Variants in KCTD1 observed in about 807,000 individuals in gnomAD.
The protein encoded by KCTD1 is potassium channel tetramerization domain containing 1, also known as BTB/POZ domain-containing protein KCTD1.
KCTD1 carries 24 observed loss-of-function variants against 66.0 expected under a neutral mutation model. The ratio of observed to expected loss-of-function variants is 0.36; its 90% confidence interval spans 0.26 to 0.51. The LOEUF (loss-of-function observed/expected upper bound fraction) is 0.51, where lower values mean the gene tolerates loss of function less well. Among genes scored for constraint, KCTD1 ranks in the 20% least tolerant of loss-of-function variants. The pLI, the probability that KCTD1 is intolerant of heterozygous loss-of-function variation, is 0.95. For synonymous variants in KCTD1, 511 were observed against 517.2 expected (o/e 0.99, Z 0.16); for missense variants, 943 against 1,205.2 (o/e 0.78, Z 3.22).
intron 1 of KCTD1, among the ~76,000 whole-genome samples, chr18:26,556,267 A>G (rs1985704514): frequency 6.6e-6 from 1 of 152,152 alleles, no homozygotes; most frequent in South Asian, 2.1e-4. Flanking sequence ...AGCAGGAAAC[A>G]TTGTGACCTG....
intron 1 of KCTD1, among the ~76,000 whole-genome samples, chr18:26,585,389 T>C (rs1449550727): frequency 6.6e-6 from 1 of 152,258 alleles, no homozygotes; most frequent in Non-Finnish European, 1.5e-5. Context: ...AGCATTGCAA[T>C]ACATTCTAGA....
intron 1 of KCTD1, among the ~76,000 whole-genome samples, chr18:26,620,292 C>G (rs1427932811): frequency 7.4e-6 from 1 of 134,938 alleles, no homozygotes; most frequent in Non-Finnish European, 1.5e-5. Context: ...CTCCAGGGAG[C>G]TGTCCTTATG....
At chr18:26,615,514 G>T (rs1424306889) in intron 1 of KCTD1, among the ~76,000 whole-genome samples, 2 of 152,178 alleles carry the variant, frequency 1.3e-5, no homozygotes, top group African/African-American at 4.8e-5. Flanking sequence ...TGAGAAGAGT[G>T]CAAAATCAAC....
At chr18:26,569,394 G>T (rs888492883) in intron 1 of KCTD1, among the ~76,000 whole-genome samples, 2 of 152,144 alleles carry the variant, frequency 1.3e-5, no homozygotes, top group Non-Finnish European at 2.9e-5. Flanking sequence ...TTTGGGCAGA[G>T]CTTCTCTCAG....
At chr18:26,623,747 T>A (rs553136955) in intron 1 of KCTD1, among the ~76,000 whole-genome samples, 1 of 152,278 alleles carries the variant, frequency 6.6e-6, no homozygotes, top group Admixed American at 6.5e-5. Flanking sequence ...TAAGGATACC[T>A]GAAATATGAA....
rs185650369 is a variant in KCTD1 at position 26,648,048 on chromosome 18, G to A, written c.9+9312C>T. Reference sequence around the variant, plus strand: ...TTTAGTAGAGACGGGGTTTCACCATGTTGGCCAGGCTGGTCTCAAACTCCT... The same window carrying A: ...TTTAGTAGAGACGGGGTTTCACCATATTGGCCAGGCTGGTCTCAAACTCCT... On this transcript the variant is annotated intron_variant, in intron 1 of 4. Coordinates refer to the KCTD1 transcript ENST00000580191. 3.0e-3 allele frequency among the ~76,000 whole-genome samples: 456 copies of A among 152,122 alleles called. 1 individual carries two copies. Among genetic ancestry groups the A allele is most frequent in the African/African-American group, 0.01 (435 of 41,496 alleles).
At chr18:26,655,501 A>C (rs1237011917) in intron 1 of KCTD1, among the ~76,000 whole-genome samples, 1 of 152,174 alleles carries the variant, frequency 6.6e-6, no homozygotes, top group Non-Finnish European at 1.5e-5. Flanking sequence ...GCTTGAAAGC[A>C]GCCAGTTCTA....
At chr18:26,545,685 T>A in intron 1 of KCTD1, 1 of 152,064 alleles carries the variant, frequency 6.6e-6, no homozygotes, top group South Asian at 2.1e-4. Context: ...TAGAACACAG[T>A]GTCCAAAGAC....
chr18:26,563,000 T>C (rs1477612076), intron 1 of KCTD1, among the ~76,000 whole-genome samples: 1 of 152,166 alleles, frequency 6.6e-6, no homozygotes, highest in Non-Finnish European at 1.5e-5. Flanking sequence ...CGCAACACCA[T>C]CCAAATCTGC....
chr18:26,599,500 T>C, intron 1 of KCTD1: 1 of 1,601,868 alleles, frequency 6.2e-7, no homozygotes, highest in Non-Finnish European at 8.6e-7. Context: ...GTGGATGAGC[T>C]TCAAGGTTAA....
intron 1 of KCTD1, among the ~76,000 whole-genome samples, chr18:26,559,448 G>A (rs1449283276): frequency 6.6e-6 from 1 of 152,238 alleles, no homozygotes; most frequent in Non-Finnish European, 1.5e-5. Flanking sequence ...CCCTCAGAGT[G>A]TCTGATTCAG....
chr18:26,572,200 C>T (rs1986125942), intron 1 of KCTD1, among the ~76,000 whole-genome samples: 1 of 152,058 alleles, frequency 6.6e-6, no homozygotes, highest in East Asian at 1.9e-4. Context: ...CCTGGGACTA[C>T]AGGCGCGCAC....
chr18:26,517,048 C>CACAGTAAAA (rs1435018812), intron 1 of KCTD1, among the ~76,000 whole-genome samples: 1 of 152,160 alleles, frequency 6.6e-6, no homozygotes, highest in Non-Finnish European at 1.5e-5. Flanking sequence ...AGTCACCCTG[C>CACAGTAAAA]ACAGTAAAAA....
chr18:26,646,549 A>C (rs2145071381), intron 1 of KCTD1, among the ~76,000 whole-genome samples: 1 of 152,342 alleles, frequency 6.6e-6, no homozygotes, highest in South Asian at 2.1e-4. Flanking sequence ...AGACATTTAT[A>C]GTTTGCAGAA....
Position 26,647,519 on chromosome 18 carries a change from CAAAAAAAAAAAAAAAAAA to C in KCTD1, c.9+9823_9+9840del, listed in dbSNP as rs57856118. On this transcript the variant is annotated intron_variant, in intron 1 of 4. Transcript: ENST00000580191. ...TGGGAAACAGAGTGAGACTCCATCT[CAAAAAAAAAAAAAAAAAA>C]AAAAAAAAAAAAAAAAAGGGCTGAA... Among the ~76,000 whole-genome samples, 15 of 57,318 alleles carry C rather than the reference CAAAAAAAAAAAAAAAAAA, an allele frequency of 2.6e-4. 1 individual carries two copies. The highest frequency in any genetic ancestry group is 7.5e-4 in the African/African-American group (13 of 17,384). The allele number at this position is 57,318 out of a possible 152,430, so 37.6% of individuals were successfully genotyped here.
At chr18:26,594,221 C>T (rs1253235643) in intron 1 of KCTD1, among the ~76,000 whole-genome samples, 1 of 152,166 alleles carries the variant, frequency 6.6e-6, no homozygotes, top group African/African-American at 2.4e-5. Flanking sequence ...AGGTCAAGAG[C>T]TGCCAGTGAC....
intron 1 of KCTD1, among the ~76,000 whole-genome samples, chr18:26,517,160 C>G (rs1166674813): frequency 1.3e-5 from 2 of 152,126 alleles, no homozygotes; most frequent in Non-Finnish European, 2.9e-5. Context: ...GCTGGTAGTA[C>G]TGAAGTTTTA....
chr18:26,623,140 C>G (rs868085257), intron 1 of KCTD1, among the ~76,000 whole-genome samples: 3 of 152,124 alleles, frequency 2.0e-5, no homozygotes, highest in African/African-American at 7.2e-5. Context: ...CTTCCCTCTC[C>G]CTGACTATCC....
At chr18:26,525,528 C>G (rs1435964604) in intron 1 of KCTD1, among the ~76,000 whole-genome samples, 1 of 152,188 alleles carries the variant, frequency 6.6e-6, no homozygotes, top group African/African-American at 2.4e-5. Flanking sequence ...TTTTCCAAAA[C>G]CTTTGCGTGA....
Sources: gnomAD v4.1 joint callset for allele counts (sites outside exome capture counted in the v4.1 genomes callset) on GRCh38, gnomAD v4.1.1 for gene constraint, MANE v1.5 for transcripts, NCBI Gene and HGNC (gene_info 2026-07-23, HGNC 2026-07-21) for gene names.